Variants in NBEA observed in about 807,000 individuals in gnomAD.
NBEA encodes the protein lysosomal-trafficking regulator 2.
In NBEA, 44 loss-of-function variants were observed where a neutral mutation model predicts 343.4. The ratio of observed to expected loss-of-function variants is 0.13; its 90% CI spans 0.10 to 0.16. The LOEUF (loss-of-function observed/expected upper bound fraction) is 0.16, where lower values mean the gene tolerates loss of function less well. NBEA is among the 10% of genes least tolerant of loss of function. The pLI is 1.00. For missense variants in NBEA, 2,555 were observed against 3,631.3 expected (o/e 0.70, Z 7.62); for synonymous variants, 1,175 against 1,238.7 (o/e 0.95, Z 1.08).
intron 17 of NBEA, among the ~76,000 whole-genome samples, chr13:35,140,443 C>T (rs532176822): frequency 2.6e-5 from 4 of 152,208 alleles, no homozygotes; most frequent in African/African-American, 4.8e-5. Context: ...TTTTCTTGGG[C>T]GAGGCTTGAG....
In NBEA at chr13:35,189,032, G is replaced by A. The variant is rs149150619; in HGVS notation, c.4927+4961G>A. Among the ~76,000 whole-genome samples, 826 of 149,290 alleles carry A rather than the reference G, an allele frequency of 5.5e-3. 10 individuals are homozygous for A. Among genetic ancestry groups the A allele is most frequent in the African/African-American group, 0.019 (785 of 40,634 alleles). The stretch of plus-strand genomic sequence containing the variant: ...CCTCCCGGGTTCAAGTGATTGTACC[G>A]CTCAGCTTCCTGAGTAGCTTGGATT... On this transcript the variant is annotated intron_variant, in intron 30 of 58. Coordinates refer to ENST00000379939, the MANE Select transcript of NBEA (RefSeq NM_001385012.1).
At chr13:35,414,955 G>A (rs2043815967) in intron 38 of NBEA, among the ~76,000 whole-genome samples, 1 of 152,118 alleles carries the variant, frequency 6.6e-6, no homozygotes, top group Non-Finnish European at 1.5e-5. Context: ...TCTCATTGTG[G>A]TTTTGATTTG....
chr13:35,376,092 G>A (rs1249150876), intron 38 of NBEA, among the ~76,000 whole-genome samples: 1 of 151,964 alleles, frequency 6.6e-6, no homozygotes, highest in African/African-American at 2.4e-5. Context: ...GAAGGCAATT[G>A]GAAAAGAACA....
Position 35,039,165 on chromosome 13 carries a change from C to T in NBEA, c.295-1768C>T, listed in dbSNP as rs545268195. Among the ~76,000 whole-genome samples, 7 of 152,222 alleles carry T rather than the reference C, an allele frequency of 4.6e-5. No homozygotes were observed. In the East Asian group the frequency reaches 1.4e-3, roughly 29 times the overall value. The stretch of plus-strand genomic sequence containing the variant: ...AGCAAGATGGCCCCAGGTTCAGTGC[C>T]TCACAATTGCTCTGTTCTCCCTTCA... On this transcript the variant is annotated intron_variant, in intron 1 of 58. Coordinates refer to ENST00000379939, the MANE Select transcript of NBEA (RefSeq NM_001385012.1).
intron 49 of NBEA, among the ~76,000 whole-genome samples, chr13:35,645,406 T>C (rs2084177889): frequency 6.6e-6 from 1 of 152,222 alleles, no homozygotes; most frequent in Non-Finnish European, 1.5e-5. Context: ...ATAGAATTTA[T>C]GTATCGAGGA....
At chr13:35,665,306 A>G (rs2085298991) in intron 56 of NBEA, 120 bp downstream of exon 56, 1 of 702,806 alleles carries the variant, frequency 1.4e-6, no homozygotes, top group Non-Finnish European at 2.4e-6. Flanking sequence ...TCCCAAAGTT[A>G]TTTGTAGATG....
intron 1 of NBEA, among the ~76,000 whole-genome samples, chr13:34,961,294 A>G (rs2059653825): frequency 6.6e-6 from 1 of 152,084 alleles, no homozygotes; most frequent in African/African-American, 2.4e-5. Flanking sequence ...CACAAGTCTA[A>G]TAAAAGTTTT....
At chr13:35,665,788 G>A (rs1289437567) in intron 56 of NBEA, among the ~76,000 whole-genome samples, 2 of 152,072 alleles carry the variant, frequency 1.3e-5, no homozygotes, top group Non-Finnish European at 2.9e-5. Context: ...AACCAAGCCT[G>A]GCTAATTTTT....
intron 35 of NBEA, among the ~76,000 whole-genome samples, chr13:35,297,049 T>C (rs1174720746): frequency 2.0e-5 from 3 of 152,102 alleles, no homozygotes; most frequent in Non-Finnish European, 2.9e-5. Flanking sequence ...TAGTAGAGTA[T>C]AAAAACCAGG....
intron 34 of NBEA, among the ~76,000 whole-genome samples, chr13:35,256,823 A>C (rs2032657792): frequency 6.6e-6 from 1 of 152,204 alleles, no homozygotes; most frequent in South Asian, 2.1e-4. Flanking sequence ...GAGCCCAGGC[A>C]GCGGGAGCAA....
chr13:35,127,181 G>C (rs2067179161), intron 17 of NBEA, among the ~76,000 whole-genome samples: 1 of 151,982 alleles, frequency 6.6e-6, no homozygotes, highest in African/African-American at 2.4e-5. Context: ...AAATGAGTCT[G>C]GCTTTAGACT....
chr13:35,045,610 C>G (rs1209412619), intron 4 of NBEA, among the ~76,000 whole-genome samples: 1 of 152,142 alleles, frequency 6.6e-6, no homozygotes, highest in African/African-American at 2.4e-5. Flanking sequence ...TCCCCTCTAC[C>G]CATCCCCACT....
At chr13:35,458,395 T>C (rs982130525) in intron 40 of NBEA, among the ~76,000 whole-genome samples, 1 of 152,220 alleles carries the variant, frequency 6.6e-6, no homozygotes, top group African/African-American at 2.4e-5. Context: ...CTTTGAACCA[T>C]GAAGAAATCT....
At chr13:35,349,759 C>A (rs1452711208) in intron 37 of NBEA, among the ~76,000 whole-genome samples, 1 of 152,044 alleles carries the variant, frequency 6.6e-6, no homozygotes, top group Non-Finnish European at 1.5e-5. Flanking sequence ...TCTCCTGATA[C>A]AACAGGCTAA....
intron 1 of NBEA, among the ~76,000 whole-genome samples, chr13:35,015,156 A>ACAAC (rs2061613619): frequency 6.9e-6 from 1 of 144,046 alleles, no homozygotes; most frequent in Non-Finnish European, 1.5e-5. Flanking sequence ...AAAAAAAAAA[A>ACAAC]CCACACACAA....
chr13:35,229,565 A>G (rs1229687478), intron 33 of NBEA, among the ~76,000 whole-genome samples: 2 of 152,062 alleles, frequency 1.3e-5, no homozygotes, highest in Non-Finnish European at 2.9e-5. Flanking sequence ...TCACATTAAC[A>G]TAGCTTTTAA....
chr13:35,661,520 A>T (rs943606376), intron 55 of NBEA, among the ~76,000 whole-genome samples: 1 of 152,200 alleles, frequency 6.6e-6, no homozygotes, highest in Non-Finnish European at 1.5e-5. Context: ...ACATTTTCCA[A>T]CCCACAGAAT....
intron 45 of NBEA, among the ~76,000 whole-genome samples, chr13:35,571,967 T>A (rs184211456): frequency 5.1e-4 from 78 of 152,256 alleles, no homozygotes; most frequent in Admixed American, 2.4e-3. Flanking sequence ...AAGTTCTTTA[T>A]CAGTAAGATT....
intron 1 of NBEA, among the ~76,000 whole-genome samples, chr13:34,989,682 A>G (rs2060681558): frequency 6.6e-6 from 1 of 150,774 alleles, no homozygotes; most frequent in Admixed American, 6.6e-5. Flanking sequence ...CCCAAATCTC[A>G]TGTCCTTGTC....
Sources: allele counts gnomAD v4.1 joint callset (sites outside exome capture counted in the v4.1 genomes callset), GRCh38; gene constraint gnomAD v4.1.1; transcripts MANE v1.5; gene names NCBI Gene and HGNC (gene_info 2026-07-23, HGNC 2026-07-21).